Variants in MROH2B observed in about 807,000 individuals in gnomAD.
The protein encoded by MROH2B is maestro heat like repeat family member 2B, also known as maestro heat-like repeat-containing protein family member 2B.
Under a neutral mutation model 208.6 loss-of-function variants are expected in MROH2B, and 177 were observed. That is an observed-to-expected ratio of 0.85 (90% CI 0.75 to 0.96). MROH2B has a LOEUF of 0.96. MROH2B is among the 40% of genes least tolerant of loss of function. The probability of loss-of-function intolerance (pLI) is 0.00; values close to 1 mark genes in which losing one functional copy is unlikely to be tolerated. For synonymous variants in MROH2B, 728 were observed against 659.0 expected (o/e 1.10, Z -1.60); for missense variants, 2,002 against 1,878.7 (o/e 1.07, Z -1.21).
At position 40,998,205 on chromosome 5, in the gene MROH2B, C is replaced by G. The variant is rs187484035; in HGVS notation, c.4652-47G>C. On this transcript the variant is annotated intron_variant, in intron 41 of 41. Coordinates refer to ENST00000399564, the MANE Select transcript of MROH2B (RefSeq NM_173489.5). ...ATAAGTGGAGGAGGAGAGTCAGAGC[C>G]CAGCAAGAAGGGCAAACCAAGCCAA... 457 of 1,524,864 alleles carry G rather than the reference C, an allele frequency of 3.0e-4. 3 individuals carry two copies. The highest frequency in any genetic ancestry group is 3.8e-4 in the Middle Eastern group (2 of 5,224). The allele number at this position is 1,524,864 out of a possible 1,614,324, so 94.5% of individuals were successfully genotyped here.
In MROH2B at chr5:41,008,764, T is replaced by A; in HGVS notation, c.3450A>T (p.Ser1150=). ...ACAAGCCGGTGACAGAGGTGCCCAT[T>A]GAGATCACTTCATACATAGCACAGG... ...SVACAMYEVI[S]MGTSVTGLYP... Residue 1150 remains serine, a synonymous_variant, in exon 33 of 42, where the codon TCA becomes TCT. Coordinates refer to ENST00000399564, the MANE Select transcript of MROH2B (RefSeq NM_173489.5). 1.2e-6 allele frequency: 2 copies of A among 1,613,528 alleles called. No homozygotes were observed. Among genetic ancestry groups the A allele is most frequent in the Non-Finnish European group, 1.7e-6 (2 of 1,179,698 alleles).
chr5:41,045,530 G>A (rs556127662), intron 18 of MROH2B, among the ~76,000 whole-genome samples: 24 of 152,082 alleles, frequency 1.6e-4, no homozygotes, highest in Non-Finnish European at 2.6e-4. Context: ...AGTCTTCCTC[G>A]CAGATACCTG....
At chr5:41,017,745 G>A in intron 28 of MROH2B, 105 bp downstream of exon 28, 1 of 1,277,906 alleles carries the variant, frequency 7.8e-7, no homozygotes, top group South Asian at 1.7e-5. Context: ...GAGGAGAGAG[G>A]AGAGGGGAGG....
intron 21 of MROH2B, 137 bp downstream of exon 21, chr5:41,038,599 C>T (rs763943717): frequency 9.7e-6 from 7 of 721,756 alleles, no homozygotes; most frequent in Non-Finnish European, 1.5e-5. Context: ...GAGACATTTA[C>T]TGTATTAGTC....
At chr5:41,038,588 C>G (rs566575775) in intron 21 of MROH2B, 148 bp downstream of exon 21, 1 of 664,730 alleles carries the variant, frequency 1.5e-6, no homozygotes, top group Non-Finnish European at 2.3e-6. Flanking sequence ...TAGTAATCCA[C>G]GAGACATTTA....
chr5:41,009,136 G>T, intron 32 of MROH2B, 144 bp downstream of exon 32: 1 of 1,160,140 alleles, frequency 8.6e-7, no homozygotes, highest in Non-Finnish European at 1.2e-6. Flanking sequence ...CAAAAGTAGA[G>T]CCACAACTAT....
rs1743481065 is a variant in MROH2B, at chr5:41,057,143, A to G, written c.885T>C (p.Asn295=). The change falls in exon 9 of 42, where the codon AAT becomes AAC. Residue 295 remains asparagine (N), a synonymous_variant. Coordinates refer to ENST00000399564, the MANE Select transcript of MROH2B (RefSeq NM_173489.5). ...CRAPEPPVKE[N]EMKASSCFLI... is the part of the protein sequence containing the mutation. ...GAAAACAGCTTGAAGCTTTCATTTC[A>G]TTTTCCTTTACTGGAGGCTCTGGAG... 6.2e-7 allele frequency: 1 copy of G among 1,613,936 alleles called. No homozygotes were observed. The highest frequency in any genetic ancestry group is 2.2e-5 in the East Asian group (1 of 44,888).
At chr5:41,022,472 C>T (rs1048719627) in intron 24 of MROH2B, among the ~76,000 whole-genome samples, 22 of 152,308 alleles carry the variant, frequency 1.4e-4, no homozygotes, top group South Asian at 4.1e-4. Context: ...AGTCTGAGAT[C>T]GAACTGCAAG....
chr5:41,047,686 C>A, intron 17 of MROH2B, 35 bp downstream of exon 17: 1 of 1,565,196 alleles, frequency 6.4e-7, no homozygotes, highest in Non-Finnish European at 8.7e-7. Context: ...TTTCATCATG[C>A]CATTATTAAA....
At position 41,018,923 on chromosome 5, in the gene MROH2B, T is replaced by C. The variant is rs1332550579; in HGVS notation, c.2537A>G (p.Lys846Arg). 1 of 1,613,780 alleles carries C rather than the reference T, an allele frequency of 6.2e-7. No homozygotes were observed. The highest frequency in any genetic ancestry group is 1.3e-5 in the African/African-American group (1 of 74,920). Reference protein sequence around the residue: ...LLPLPPLENLKSEGQTDKDKE... With the variant: ...LLPLPPLENLRSEGQTDKDKE... The stretch of plus-strand genomic sequence containing the variant: ...GTCCTTGTCTGTCTGGCCTTCACTT[T>C]TCAGATTTTCCAGAGGTGGAAGGGG... The change falls in exon 25 of 42, where the codon AAA becomes AGA. Residue 846 changes from lysine (K) to arginine (R), a missense_variant. Physicochemically the swap from Lys to Arg is conservative, Grantham distance 26 (BLOSUM62 2). Transcript: ENST00000399564.
intron 19 of MROH2B, among the ~76,000 whole-genome samples, chr5:41,040,566 C>T (rs892506889): frequency 6.6e-6 from 1 of 152,184 alleles, no homozygotes; most frequent in Non-Finnish European, 1.5e-5. Flanking sequence ...TTTATTCATC[C>T]AGAGGTCATT....
rs1033828777 is a variant in MROH2B at position 41,023,541 on chromosome 5, G to C, written c.2442-4523C>G. ...AAGCCTCCAAGAAATATGGGACTAT[G>C]TGAAAAGACCAAATCTACATCTGGT... On this transcript the variant is annotated intron_variant, in intron 24 of 41. Coordinates refer to ENST00000399564, the MANE Select transcript of MROH2B (RefSeq NM_173489.5). Among the ~76,000 whole-genome samples the C allele has an allele frequency of 4.6e-5, 7 of 152,328 alleles. No homozygotes were observed. In the East Asian group the frequency reaches 1.4e-3, roughly 29 times the overall value.
At chr5:41,027,462 A>T (rs571995495) in intron 24 of MROH2B, among the ~76,000 whole-genome samples, 39 of 152,346 alleles carry the variant, frequency 2.6e-4, no homozygotes, top group Non-Finnish European at 4.7e-4. Context: ...TGGCCATCAG[A>T]GAAATGCAAA....
chr5:41,012,502 GACAA>G lies in MROH2B; in HGVS notation c.3135+77_3135+80del. ...AGCCTTTGCATGCTGCCCATCAGTG[GACAA>G]ACAGAGAAAGTGGCTGACTTGGCAT... On this transcript the variant is annotated intron_variant, in intron 30 of 41. Transcript: ENST00000399564. The G allele has an allele frequency of 4.1e-6, 6 of 1,462,850 alleles. No homozygotes were observed. In the South Asian group the frequency reaches 8.1e-5, roughly 20 times the overall value. 90.6% of individuals were successfully genotyped at this position (1,462,850 alleles called of 1,614,324 possible).
At chr5:41,048,137 A>G in intron 16 of MROH2B, 187 bp downstream of exon 16, 1 of 610,798 alleles carries the variant, frequency 1.6e-6, no homozygotes, top group Non-Finnish European at 2.6e-6. Flanking sequence ...GTCTTCTTGT[A>G]GTATGAATAT....
intron 18 of MROH2B, among the ~76,000 whole-genome samples, chr5:41,043,259 T>G (rs1435313426): frequency 6.6e-6 from 1 of 152,204 alleles, no homozygotes; most frequent in Non-Finnish European, 1.5e-5. Context: ...ACTCCCAGAG[T>G]GACAGTGGCC....
chr5:41,018,236 T>G (rs1742020391), intron 27 of MROH2B, 105 bp downstream of exon 27: 2 of 1,198,088 alleles, frequency 1.7e-6, no homozygotes. Context: ...AGCACTTCAC[T>G]CTGAGATGCA....
intron 24 of MROH2B, among the ~76,000 whole-genome samples, chr5:41,020,294 T>C (rs1215025274): frequency 6.6e-6 from 1 of 152,228 alleles, no homozygotes; most frequent in South Asian, 2.1e-4. Flanking sequence ...CAGTTTTAAA[T>C]GACATATGTG....
Position 41,045,530 on chromosome 5 carries a change from G to T in MROH2B, c.1836+216C>A, listed in dbSNP as rs556127662. ...TCTTATCTACCTCTCAGTCTTCCTCGCAGATACCTGTGGCCATATGAGTAA... is the reference window on the plus strand; with the variant it reads ...TCTTATCTACCTCTCAGTCTTCCTCTCAGATACCTGTGGCCATATGAGTAA... On this transcript the variant is annotated intron_variant, in intron 18 of 41. Coordinates refer to ENST00000399564, the MANE Select transcript of MROH2B (RefSeq NM_173489.5). 8.5e-5 allele frequency among the ~76,000 whole-genome samples: 13 copies of T among 152,198 alleles called. No homozygotes were observed. In the South Asian group the frequency reaches 2.3e-3, roughly 27 times the overall value.
Sources: gnomAD v4.1 joint callset for allele counts (sites outside exome capture counted in the v4.1 genomes callset) on GRCh38, gnomAD v4.1.1 for gene constraint, MANE v1.5 for transcripts, NCBI Gene and HGNC (gene_info 2026-07-23, HGNC 2026-07-21) for gene names.